Variants in ERICH3 observed in about 807,000 individuals in gnomAD.
ERICH3 encodes the protein glutamate-rich protein 3.
Under a neutral mutation model 131.1 loss-of-function variants are expected in ERICH3, and 126 were observed. The observed-to-expected ratio is 0.96, with a 90% CI of 0.83 to 1.11. The LOEUF (loss-of-function observed/expected upper bound fraction) is 1.11, where lower values mean the gene tolerates loss of function less well. Ranked by LOEUF, ERICH3 falls within the 50% of genes most tolerant of loss-of-function variation. The pLI, the probability that ERICH3 is intolerant of heterozygous loss-of-function variation, is 0.00. For synonymous variants in ERICH3, 695 were observed against 644.6 expected, an observed-to-expected ratio of 1.08 and a Z score of -1.18; for missense variants, 2,050 against 1,810.7, an observed-to-expected ratio of 1.13 and a Z score of -2.40.
chr1:74,641,151 A>G (rs1646434176), intron 5 of ERICH3, among the ~76,000 whole-genome samples, 180 bp downstream of exon 5: 1 of 152,128 alleles, frequency 6.6e-6, no homozygotes, highest in African/African-American at 2.4e-5. Context: ...CAGTAGTGAT[A>G]TTGACTAGAA....
chr1:74,622,779 G>C (rs1649269338), intron 7 of ERICH3: 1 of 152,102 alleles, frequency 6.6e-6, no homozygotes, highest in Non-Finnish European at 1.5e-5. Flanking sequence ...AACTTTTAAA[G>C]AGAAAAATAC....
In ERICH3 at chr1:74,571,557, C is replaced by A. The variant is rs1446529726; in HGVS notation, c.4153G>T (p.Glu1385Ter). 1.2e-6 allele frequency: 2 copies of A among 1,614,052 alleles called. No individual in the cohort carries two copies. Among genetic ancestry groups the A allele is most frequent in the Non-Finnish European group, 1.7e-6 (2 of 1,180,022 alleles). ...ASSFSDVAEE[E>*]TWHQQDELVG... is the part of the protein sequence containing the mutation. ...AACTCATCCTGTTGGTGCCAGGTTTCTTCCTCAGCAACATCTGAAAAGGAG... is the reference window on the plus strand; with the variant it reads ...AACTCATCCTGTTGGTGCCAGGTTTATTCCTCAGCAACATCTGAAAAGGAG... The change falls in exon 14 of 15, where the codon GAA (glutamate) becomes TAA (stop). Residue 1385 changes from glutamate to a stop codon, truncating the protein, a stop_gained. Coordinates refer to ENST00000326665, the MANE Select transcript of ERICH3 (RefSeq NM_001002912.5). LOFTEE classifies it high-confidence loss of function.
At position 74,606,683 on chromosome 1, in the gene ERICH3, T is replaced by G; in HGVS notation, c.1407A>C (p.Val469=). 1.2e-6 allele frequency: 2 copies of G among 1,613,332 alleles called. No homozygotes were observed. The highest frequency in any genetic ancestry group is 1.7e-6 in the Non-Finnish European group (2 of 1,179,488). Residue 469 remains valine (V), a synonymous_variant, in exon 10 of 15, where the codon GTA becomes GTC. Transcript: ENST00000326665. The part of the protein sequence containing the change: ...QEIKTGLKEV[V]TAVEEMTSKG... Reference sequence around the variant, plus strand: ...TACTTGTCATTTCCTCCACAGCAGTTACCACTTCTTTGAGCCCTGTTTTTA... The same window carrying G: ...TACTTGTCATTTCCTCCACAGCAGTGACCACTTCTTTGAGCCCTGTTTTTA...
Position 74,568,551 on chromosome 1 carries a change from G to C in ERICH3, c.*1907C>G, listed in dbSNP as rs778165106. ...AATCTACTCATAAAACTTTAAGACA[G>C]ATGATGGAGATTTATGATGTGCAGT... On this transcript the variant is annotated 3_prime_UTR_variant, in exon 15 of 15. Transcript: ENST00000326665. 1 of 152,136 alleles carries C rather than the reference G, an allele frequency of 6.6e-6. No individual in the cohort carries two copies. Among genetic ancestry groups the C allele is most frequent in the South Asian group, 2.1e-4 (1 of 4,818 alleles). The allele number at this position is 152,136 out of a possible 1,614,324, so 9.4% of individuals were successfully genotyped here. A position where few individuals can be genotyped will look rare whatever the true frequency, so the allele number is the denominator to read the frequency against.
chr1:74,641,309 C>A, intron 5 of ERICH3, 22 bp downstream of exon 5: 2 of 1,607,460 alleles, frequency 1.2e-6, no homozygotes, highest in South Asian at 1.1e-5. Flanking sequence ...TACTGCATGA[C>A]GAAGTGTTTA....
intron 11 of ERICH3, among the ~76,000 whole-genome samples, chr1:74,598,681 G>T (rs1254607428): frequency 6.6e-6 from 1 of 151,822 alleles, no homozygotes; most frequent in Non-Finnish European, 1.5e-5. Flanking sequence ...CCCACCAGGA[G>T]TTAGGGTAAT....
In ERICH3 at chr1:74,571,394, C is replaced by T. The variant is rs1646942019; in HGVS notation, c.4316G>A (p.Arg1439Gln). The T allele has an allele frequency of 2.5e-6, 4 of 1,614,016 alleles. No homozygotes were observed. Among genetic ancestry groups the T allele is most frequent in the African/African-American group, 1.3e-5 (1 of 75,008 alleles). ...AGVGTPGALE[R>Q]KTSGLGQEQE... ...CTCCTGTCCTAGCCCTGAGGTCTTC[C>T]GCTCCAGGGCTCCTGGAGTGCCCAC... The change falls in exon 14 of 15, where the codon CGG (arginine) becomes CAG (glutamine). Residue 1439 changes from arginine (R) to glutamine (Q), a missense_variant. Transcript: ENST00000326665.
chr1:74,659,911 G>A (rs751058571), intron 1 of ERICH3, among the ~76,000 whole-genome samples: 26 of 152,138 alleles, frequency 1.7e-4, no homozygotes, highest in Non-Finnish European at 3.1e-4. Flanking sequence ...CAAAGTCCCA[G>A]AGAGAGAGAT....
At position 74,606,931 on chromosome 1, in the gene ERICH3, G is replaced by C. The variant is rs757716363; in HGVS notation, c.1188-29C>G. ...TGAAAAATATTAGCAGGAAGTGTTTGTTAACCCTTGTAGACAGCACAATGG... is the reference window on the plus strand; with the variant it reads ...TGAAAAATATTAGCAGGAAGTGTTTCTTAACCCTTGTAGACAGCACAATGG... On this transcript the variant is annotated intron_variant, in intron 9 of 14. Coordinates refer to ENST00000326665, the MANE Select transcript of ERICH3 (RefSeq NM_001002912.5). 25 of 1,587,262 alleles carry C rather than the reference G, an allele frequency of 1.6e-5. 1 individual carries two copies. Among genetic ancestry groups the C allele is most frequent in the Non-Finnish European group, 1.9e-5 (22 of 1,164,718 alleles).
chr1:74,606,516 T>C, intron 10 of ERICH3, 85 bp downstream of exon 10: 1 of 1,385,760 alleles, frequency 7.2e-7, no homozygotes, highest in South Asian at 1.4e-5. Flanking sequence ...ATTTAATGGG[T>C]ATTTTTGAAA....
chr1:74,661,879 G>A (rs947994234), intron 1 of ERICH3, among the ~76,000 whole-genome samples: 1 of 152,088 alleles, frequency 6.6e-6, no homozygotes, highest in Admixed American at 6.6e-5. Flanking sequence ...AATCCTCTTC[G>A]GAAATAGCAT....
intron 4 of ERICH3, 128 bp from the exon 5 acceptor site, chr1:74,641,587 T>C: frequency 2.6e-6 from 3 of 1,153,596 alleles, no homozygotes; most frequent in Non-Finnish European, 3.6e-6. Context: ...GTTACTTTTG[T>C]TAAGGAGTTA....
intron 6 of ERICH3, among the ~76,000 whole-genome samples, chr1:74,635,236 G>T (rs1244157414): frequency 6.6e-6 from 1 of 152,028 alleles, no homozygotes; most frequent in Non-Finnish European, 1.5e-5. Context: ...AGAAGTTCCT[G>T]CCTAACTGTA....
intron 6 of ERICH3, among the ~76,000 whole-genome samples, 171 bp downstream of exon 6, chr1:74,636,109 C>A (rs1197979883): frequency 6.6e-6 from 1 of 152,004 alleles, no homozygotes; most frequent in Non-Finnish European, 1.5e-5. Context: ...ACAGGCCTTC[C>A]CATTTGAGTA....
chr1:74,655,117 T>C (rs1022003102), intron 1 of ERICH3, among the ~76,000 whole-genome samples: 11 of 152,284 alleles, frequency 7.2e-5, no homozygotes, highest in South Asian at 4.1e-4. Flanking sequence ...CTTAAATATA[T>C]ATTCCTGCAT....
intron 9 of ERICH3, among the ~76,000 whole-genome samples, chr1:74,610,466 A>G (rs888919346): frequency 2.7e-5 from 4 of 149,468 alleles, no homozygotes; most frequent in African/African-American, 9.9e-5. Flanking sequence ...TATACCCCCA[A>G]TTGAGTCCTA....
At chr1:74,640,261 G>C (rs1646426839) in intron 5 of ERICH3, among the ~76,000 whole-genome samples, 3 of 152,088 alleles carry the variant, frequency 2.0e-5, no homozygotes, top group African/African-American at 7.2e-5. Context: ...AAGCTTTTGA[G>C]AGTCTAGTGA....
intron 3 of ERICH3, among the ~76,000 whole-genome samples, chr1:74,643,571 A>G (rs986383709): frequency 2.0e-5 from 3 of 152,192 alleles, no homozygotes; most frequent in African/African-American, 7.2e-5. Flanking sequence ...CAATGCACAT[A>G]ATGCAGGATA....
intron 9 of ERICH3, among the ~76,000 whole-genome samples, chr1:74,610,692 C>G (rs966687917): frequency 6.6e-6 from 1 of 151,876 alleles, no homozygotes; most frequent in East Asian, 1.9e-4. Flanking sequence ...TATAGCAAAA[C>G]TCTTTTAAAA....
Sources: gnomAD v4.1 joint callset for allele counts (sites outside exome capture counted in the v4.1 genomes callset) on GRCh38, gnomAD v4.1.1 for gene constraint, MANE v1.5 for transcripts, NCBI Gene and HGNC (gene_info 2026-07-23, HGNC 2026-07-21) for gene names.